The following STK39 variants were observed in gnomAD, a reference collection of about 807,000 sequenced individuals.
STK39 encodes the protein serine/threonine kinase 39.
In STK39, 20 loss-of-function variants were observed where a neutral mutation model predicts 77.8. The observed-to-expected ratio is 0.26, with a 90% confidence interval of 0.18 to 0.37. The LOEUF (loss-of-function observed/expected upper bound fraction) is 0.37. STK39 is among the 10% of genes least tolerant of loss of function. The pLI is 1.00. For missense variants in STK39, 479 were observed against 656.5 expected (o/e 0.73, Z 2.95); for synonymous variants, 246 against 234.1 (o/e 1.05, Z -0.47).
At chr2:168,059,034 C>A (rs1013632313) in intron 14 of STK39, among the ~76,000 whole-genome samples, 1 of 152,230 alleles carries the variant, frequency 6.6e-6, no homozygotes, top group Non-Finnish European at 1.5e-5. Flanking sequence ...TCTGCCTGCA[C>A]TGGTTACCTG....
chr2:168,030,057 G>A lies in STK39; in HGVS notation c.1377-12962C>T, dbSNP rs146267201. ...AGATAGAGACCATCCTGGCTAACAC[G>A]GTGAAACCCCGTCTCTACTAAAAAA... On this transcript the variant is annotated intron_variant, in intron 14 of 17. Coordinates refer to ENST00000355999, the MANE Select transcript of STK39 (RefSeq NM_013233.3). Among the ~76,000 whole-genome samples the A allele has an allele frequency of 6.3e-3, 955 of 152,028 alleles. 16 individuals are homozygous for A. The highest frequency in any genetic ancestry group is 0.022 in the African/African-American group (910 of 41,414).
intron 2 of STK39, 119 bp downstream of exon 2, chr2:168,181,859 C>T: frequency 1.3e-6 from 1 of 781,850 alleles, no homozygotes; most frequent in Non-Finnish European, 2.1e-6. Flanking sequence ...GTAGGGGCTG[C>T]TTTCCAAGAA....
At chr2:167,959,267 C>T (rs1050175938) in intron 17 of STK39, among the ~76,000 whole-genome samples, 4 of 151,770 alleles carry the variant, frequency 2.6e-5, no homozygotes, top group Non-Finnish European at 4.4e-5. Context: ...TACAGGTGCC[C>T]GCCACCATGT....
intron 1 of STK39, 145 bp downstream of exon 1, chr2:168,247,083 A>AAAAC (rs1690937294): frequency 3.4e-6 from 1 of 296,678 alleles, no homozygotes; most frequent in Admixed American, 7.2e-5. Flanking sequence ...AAAAAAAAAA[A>AAAAC]AAAAAACTGT....
At position 168,232,894 on chromosome 2, in the gene STK39, AGAGT is replaced by A. The variant is rs375142285; in HGVS notation, c.208+14330_208+14333del. Among the ~76,000 whole-genome samples, 514 of 149,138 alleles carry A rather than the reference AGAGT, an allele frequency of 3.4e-3. 3 individuals carry two copies. The highest frequency in any genetic ancestry group is 0.012 in the African/African-American group (494 of 41,038). ...GCCATTGCACTCCAGCCTGGGCGAC[AGAGT>A]GAGATGCTGTCTCAAAAAAAAAAAG... is the stretch of plus-strand genomic sequence containing the variant. On this transcript the variant is annotated intron_variant, in intron 1 of 17. Coordinates refer to ENST00000355999, the MANE Select transcript of STK39 (RefSeq NM_013233.3).
chr2:168,074,900 C>A, intron 12 of STK39, 82 bp downstream of exon 12: 2 of 1,488,366 alleles, frequency 1.3e-6, no homozygotes, highest in Non-Finnish European at 9.1e-7. Flanking sequence ...GATTTTGAAG[C>A]ATCTCCCCTA....
chr2:168,119,726 C>A (rs1687355542), intron 10 of STK39, among the ~76,000 whole-genome samples: 1 of 152,176 alleles, frequency 6.6e-6, no homozygotes. Context: ...AAACTTGGAA[C>A]AAAACTAACA....
At chr2:168,244,784 T>C (rs1375520522) in intron 1 of STK39, among the ~76,000 whole-genome samples, 1 of 152,202 alleles carries the variant, frequency 6.6e-6, no homozygotes, top group East Asian at 1.9e-4. Context: ...AGATAAACTT[T>C]AAATGTAGAA....
At chr2:168,080,508 T>C (rs1182167513) in intron 10 of STK39, among the ~76,000 whole-genome samples, 1 of 152,038 alleles carries the variant, frequency 6.6e-6, no homozygotes. Flanking sequence ...CAGGTGCCTG[T>C]AGTCCCAGCT....
At chr2:168,051,579 G>T (rs1685396186) in intron 14 of STK39, among the ~76,000 whole-genome samples, 1 of 152,130 alleles carries the variant, frequency 6.6e-6, no homozygotes. Flanking sequence ...CAATGCTGTG[G>T]AACTTAAGAT....
chr2:168,138,177 T>C lies in STK39; in HGVS notation c.885A>G (p.Thr295=), dbSNP rs1199980960. The change falls in exon 8 of 18, where the codon ACA becomes ACG. Residue 295 remains threonine, a synonymous_variant. Transcript: ENST00000355999. The stretch of plus-strand genomic sequence containing the variant: ...TCATCATTTCTTTATCCTCTACCCC[T>C]GTTTCCAAAGTGGGTGGATCATTTT... The part of the protein sequence containing the change: ...TLQNDPPTLE[T]GVEDKEMMKK... 6.2e-7 allele frequency: 1 copy of C among 1,613,832 alleles called. No individual in the cohort carries two copies. The highest frequency in any genetic ancestry group is 8.5e-7 in the Non-Finnish European group (1 of 1,179,866).
In STK39 at chr2:167,969,809, C is replaced by T. The variant is rs144384565; in HGVS notation, c.1499-5083G>A. On this transcript the variant is annotated intron_variant, in intron 16 of 17. Transcript: ENST00000355999. ...TTCACCCAGAGGGCAGGGGAGGCTT[C>T]TAACATGTAGGCAGACCATGTTACT... Among the ~76,000 whole-genome samples the T allele has an allele frequency of 8.7e-4, 132 of 152,290 alleles. 1 individual carries two copies. The highest frequency in any genetic ancestry group is 1.7e-3 in the Non-Finnish European group (113 of 68,026).
chr2:168,043,644 C>G (rs1198581013), intron 14 of STK39, among the ~76,000 whole-genome samples: 8 of 152,160 alleles, frequency 5.3e-5, no homozygotes, highest in Non-Finnish European at 7.4e-5. Context: ...AATTTCTGAC[C>G]ACCAACAAAG....
chr2:167,962,693 C>T (rs1692020868), intron 17 of STK39, among the ~76,000 whole-genome samples: 1 of 152,182 alleles, frequency 6.6e-6, no homozygotes, highest in African/African-American at 2.4e-5. Flanking sequence ...GAGATTCAGT[C>T]CCAGCCAATG....
intron 10 of STK39, among the ~76,000 whole-genome samples, chr2:168,128,162 C>G (rs1687594200): frequency 6.6e-6 from 1 of 152,090 alleles, no homozygotes; most frequent in South Asian, 2.1e-4. Context: ...GATGACACTT[C>G]CAGCAAAAGA....
intron 14 of STK39, among the ~76,000 whole-genome samples, chr2:168,024,313 T>C (rs971219387): frequency 1.3e-5 from 2 of 152,194 alleles, no homozygotes; most frequent in African/African-American, 4.8e-5. Context: ...TGGCCTTCTG[T>C]AACCTGTTTC....
At chr2:168,198,336 C>T (rs1187392850) in intron 1 of STK39, among the ~76,000 whole-genome samples, 2 of 152,106 alleles carry the variant, frequency 1.3e-5, no homozygotes, top group East Asian at 1.9e-4. Context: ...AAACTATTGC[C>T]TTTAGCCCTA....
chr2:168,230,526 A>C (rs1177540752), intron 1 of STK39, among the ~76,000 whole-genome samples: 1 of 152,164 alleles, frequency 6.6e-6, no homozygotes, highest in East Asian at 1.9e-4. Context: ...AAACTGAAGA[A>C]ATGCCCAGCC....
intron 14 of STK39, among the ~76,000 whole-genome samples, chr2:168,040,039 T>C (rs546373589): frequency 1.1e-4 from 16 of 152,242 alleles, no homozygotes; most frequent in Admixed American, 1.0e-3. Flanking sequence ...GTACCATCTC[T>C]GGGCTCTGGT....
Sources: gnomAD v4.1 joint callset for allele counts (sites outside exome capture counted in the v4.1 genomes callset) on GRCh38, gnomAD v4.1.1 for gene constraint, MANE v1.5 for transcripts, NCBI Gene and HGNC (gene_info 2026-07-23, HGNC 2026-07-21) for gene names.